PCDHGA1: variants seen among roughly 807,000 people sequenced by gnomAD.
PCDHGA1 encodes protocadherin gamma subfamily A, 1, also known as protocadherin gamma-A1.
Under a neutral mutation model 58.0 loss-of-function variants are expected in PCDHGA1, and 32 were observed. The observed-to-expected ratio is 0.55, with a 90% CI of 0.42 to 0.74. The LOEUF (loss-of-function observed/expected upper bound fraction) is 0.74. Among genes scored for constraint, PCDHGA1 ranks in the 30% least tolerant of loss-of-function variants. The pLI is 0.00. For synonymous variants in PCDHGA1, 498 were observed against 501.1 expected (o/e 0.99, Z 0.08); for missense variants, 1,205 against 1,182.3 (o/e 1.02, Z -0.28).
At chr5:141,353,305 G>A (rs1033054444) in intron 1 of PCDHGA1, among the ~76,000 whole-genome samples, 2 of 152,084 alleles carry the variant, frequency 1.3e-5, no homozygotes, top group African/African-American at 4.8e-5. Flanking sequence ...CTTTATAAAT[G>A]TATTTAGAGT....
intron 1 of PCDHGA1, chr5:141,394,936 T>G: frequency 1.2e-6 from 2 of 1,613,836 alleles, no homozygotes; most frequent in Non-Finnish European, 8.5e-7. Flanking sequence ...CTCGCCTTTG[T>G]CGCTGTGCTT....
At chr5:141,361,570 C>T in intron 1 of PCDHGA1, 1 of 1,614,036 alleles carries the variant, frequency 6.2e-7, no homozygotes, top group Non-Finnish European at 8.5e-7. Context: ...TGCCTCTGAC[C>T]CTGACTTGGG....
chr5:141,431,991 A>T lies in PCDHGA1; in HGVS notation c.2422-62816A>T, dbSNP rs1046547219. On this transcript the variant is annotated intron_variant, in intron 1 of 3. Transcript: ENST00000517417. The surrounding 1 kb of genome is among the most constrained non-coding windows in gnomAD (Gnocchi z 4.8). ...AGTTTAGTCACAGACATAGTCTTGG[A>T]TAGGGAACAGGTTCCTAGCTACAAC... is the stretch of plus-strand genomic sequence containing the variant. 5 of 1,614,100 alleles carry T rather than the reference A, an allele frequency of 3.1e-6. No individual in the cohort carries two copies. Among genetic ancestry groups the T allele is most frequent in the Non-Finnish European group, 3.4e-6 (4 of 1,180,050 alleles).
intron 1 of PCDHGA1, chr5:141,350,705 T>C (rs761943994): frequency 6.2e-7 from 1 of 1,613,940 alleles, no homozygotes; most frequent in Non-Finnish European, 8.5e-7. Context: ...CGGGGTAAAA[T>C]TCTCTCTGGA....
At chr5:141,380,386 G>A (rs1776453740) in intron 1 of PCDHGA1, among the ~76,000 whole-genome samples, 1 of 152,168 alleles carries the variant, frequency 6.6e-6, no homozygotes. Flanking sequence ...AAAAAGAAAA[G>A]AGAGAAGATA....
Position 141,331,698 on chromosome 5 carries a change from G to A in PCDHGA1, c.1014G>A (p.Leu338=), listed in dbSNP as rs1233569560. The A allele has an allele frequency of 1.2e-6, 2 of 1,613,878 alleles. No homozygotes were observed. The highest frequency in any genetic ancestry group is 8.5e-7 in the Non-Finnish European group (1 of 1,180,024). Residue 338 remains leucine, a synonymous_variant, in exon 1 of 4, where the codon TTG becomes TTA. Coordinates refer to ENST00000517417, the MANE Select transcript of PCDHGA1 (RefSeq NM_018912.3). ...MAKVKVLIKV[L]DVNDNAPEVT... ...AAGTTAAGGTACTGATCAAAGTTTT[G>A]GATGTAAATGATAATGCCCCAGAAG...
rs1759709417 is a variant in PCDHGA1, at chr5:141,355,082, G to T, written c.2421+21977G>T. The T allele has an allele frequency of 4.9e-6, 7 of 1,429,210 alleles. No homozygotes were observed. In the East Asian group the frequency reaches 1.4e-4, roughly 29 times the overall value. The allele number at this position is 1,429,210 out of a possible 1,614,324, so 88.5% of individuals were successfully genotyped here. On this transcript the variant is annotated intron_variant, in intron 1 of 3. Coordinates refer to ENST00000517417, the MANE Select transcript of PCDHGA1 (RefSeq NM_018912.3). Reference sequence around the variant, plus strand: ...CTGGAGCTTTATGAAAGCTTCAAGCGGAAGCCCTGAGAGCTCTGGCTGTGA... The same window carrying T: ...CTGGAGCTTTATGAAAGCTTCAAGCTGAAGCCCTGAGAGCTCTGGCTGTGA...
At chr5:141,408,202 G>C (rs778320550) in intron 1 of PCDHGA1, 8 of 1,549,950 alleles carry the variant, frequency 5.2e-6, no homozygotes, top group South Asian at 3.6e-5. Context: ...CCGAGCGAAC[G>C]ATGGGAGGGA....
chr5:141,439,458 C>T (rs2098114160), intron 1 of PCDHGA1, among the ~76,000 whole-genome samples: 1 of 152,214 alleles, frequency 6.6e-6, no homozygotes, highest in East Asian at 1.9e-4. Flanking sequence ...AGCAAGACTG[C>T]ACTGCTGCCT....
intron 1 of PCDHGA1, among the ~76,000 whole-genome samples, chr5:141,407,629 G>A (rs1025838649): frequency 1.3e-5 from 2 of 151,940 alleles, no homozygotes; most frequent in African/African-American, 4.8e-5. Context: ...TCTATATCTC[G>A]TATTACTTAA....
chr5:141,392,658 C>T, intron 1 of PCDHGA1: 1 of 778,114 alleles, frequency 1.3e-6, no homozygotes, highest in Non-Finnish European at 1.9e-6. Context: ...CCGCAGATGC[C>T]ACAAACTAAC....
At position 141,364,458 on chromosome 5, in the gene PCDHGA1, C is replaced by G; in HGVS notation, c.2421+31353C>G. 6.2e-7 allele frequency: 1 copy of G among 1,614,028 alleles called. No homozygotes were observed. ...ATGCCGGAGGAGCTGGACAAAGGCT[C>G]CTTCGTCGGCAACATAGCCAAGGAC... On this transcript the variant is annotated intron_variant, in intron 1 of 3. Coordinates refer to ENST00000517417, the MANE Select transcript of PCDHGA1 (RefSeq NM_018912.3).
chr5:141,468,093 G>C (rs1319825848), intron 1 of PCDHGA1, among the ~76,000 whole-genome samples: 2 of 152,112 alleles, frequency 1.3e-5, no homozygotes, highest in Non-Finnish European at 2.9e-5. Flanking sequence ...GGGAGGTTGA[G>C]GCAGGCAGAT....
At chr5:141,405,476 G>A (rs1214119236) in intron 1 of PCDHGA1, 1 of 1,048,044 alleles carries the variant, frequency 9.5e-7, no homozygotes, top group Non-Finnish European at 1.4e-6. Flanking sequence ...CTGGAATGCA[G>A]TGGTGTGATC....
intron 1 of PCDHGA1, chr5:141,350,422 C>T: frequency 6.2e-7 from 1 of 1,607,112 alleles, no homozygotes; most frequent in Non-Finnish European, 8.5e-7. Context: ...ATCTGGGGCT[C>T]AGTGTCCGGG....
At chr5:141,419,668 G>A (rs752237614) in intron 1 of PCDHGA1, 1 of 1,612,892 alleles carries the variant, frequency 6.2e-7, no homozygotes, top group East Asian at 2.2e-5. Context: ...ACAATGCCTG[G>A]CTGTCCTACC....
chr5:141,393,056 C>T, intron 1 of PCDHGA1: 2 of 1,613,606 alleles, frequency 1.2e-6, no homozygotes, highest in Non-Finnish European at 1.7e-6. Flanking sequence ...ACCCGCGCAG[C>T]GGCAGCTTGA....
At chr5:141,422,887 C>T in intron 1 of PCDHGA1, 1 of 1,614,264 alleles carries the variant, frequency 6.2e-7, no homozygotes, top group Non-Finnish European at 8.5e-7. Context: ...CCTGTTCGTG[C>T]TGGACCAGAA....
intron 1 of PCDHGA1, chr5:141,376,411 C>G (rs904052827): frequency 4.3e-6 from 7 of 1,614,180 alleles, no homozygotes; most frequent in South Asian, 3.3e-5. Flanking sequence ...CCAACTATGC[C>G]GACACGCTTA....
Sources: allele counts gnomAD v4.1 joint callset (sites outside exome capture counted in the v4.1 genomes callset), GRCh38; gene constraint gnomAD v4.1.1; non-coding constraint Gnocchi (gnomAD v3.1); transcripts MANE v1.5; gene names NCBI Gene and HGNC (gene_info 2026-07-23, HGNC 2026-07-21).